VEGFC: variants seen among roughly 807,000 people sequenced by gnomAD.
The protein encoded by VEGFC is FLT4 ligand DHM.
VEGFC carries 12 observed loss-of-function variants against 46.1 expected under a neutral mutation model. The observed-to-expected ratio is 0.26, with a 90% confidence interval of 0.17 to 0.42. VEGFC has a LOEUF of 0.42. Among genes scored for constraint, VEGFC ranks in the 10% least tolerant of loss-of-function variants. The probability of loss-of-function intolerance (pLI) is 1.00; values close to 1 mark genes in which losing one functional copy is unlikely to be tolerated. For missense variants in VEGFC, 488 were observed against 529.4 expected (o/e 0.92, Z 0.77); for synonymous variants, 232 against 195.5 (o/e 1.19, Z -1.56).
chr4:176,789,426 CAAAATG>C (rs2110959238), intron 1 of VEGFC, among the ~76,000 whole-genome samples: 1 of 152,268 alleles, frequency 6.6e-6, no homozygotes, highest in South Asian at 2.1e-4. Context: ...GAGTGGAAAT[CAAAATG>C]AAAGATGAAT....
At chr4:176,769,117 G>A (rs1293710731) in intron 1 of VEGFC, among the ~76,000 whole-genome samples, 1 of 152,112 alleles carries the variant, frequency 6.6e-6, no homozygotes, top group South Asian at 2.1e-4. Context: ...CACCATGTGA[G>A]GGGGACGTGC....
intron 1 of VEGFC, 88 bp from the exon 2 acceptor site, chr4:176,729,834 T>C: frequency 1.1e-6 from 1 of 919,708 alleles, no homozygotes; most frequent in Admixed American, 3.4e-5. Flanking sequence ...TTTAATAGTA[T>C]CTATGCTCCG....
intron 4 of VEGFC, among the ~76,000 whole-genome samples, chr4:176,697,959 G>C (rs1449858517): frequency 6.6e-6 from 1 of 151,540 alleles, no homozygotes; most frequent in Non-Finnish European, 1.5e-5. Flanking sequence ...CACAGGAAGG[G>C]GAACATCACA....
chr4:176,693,507 T>G (rs1579088660), intron 4 of VEGFC, among the ~76,000 whole-genome samples: 1 of 142,078 alleles, frequency 7.0e-6, no homozygotes, highest in East Asian at 2.0e-4. Context: ...CTGATTGGTG[T>G]ACCTGAAAGT....
chr4:176,790,917 A>T (rs1176580056), intron 1 of VEGFC, among the ~76,000 whole-genome samples: 2 of 152,152 alleles, frequency 1.3e-5, no homozygotes, highest in East Asian at 3.8e-4. Context: ...AGTCTGTTCT[A>T]TTTCATGTAT....
At chr4:176,751,324 T>C (rs952256755) in intron 1 of VEGFC, among the ~76,000 whole-genome samples, 3 of 151,960 alleles carry the variant, frequency 2.0e-5, no homozygotes, top group African/African-American at 4.8e-5. Flanking sequence ...CTTTATAGAA[T>C]GGATGGCAAA....
chr4:176,760,197 T>G (rs1317763163), intron 1 of VEGFC, among the ~76,000 whole-genome samples: 1 of 152,160 alleles, frequency 6.6e-6, no homozygotes, highest in East Asian at 1.9e-4. Context: ...CAAAGAATGG[T>G]AAGTTTTAAT....
At chr4:176,789,635 T>G (rs1401025053) in intron 1 of VEGFC, among the ~76,000 whole-genome samples, 2 of 152,236 alleles carry the variant, frequency 1.3e-5, no homozygotes, top group Admixed American at 1.3e-4. Flanking sequence ...GCCTTACTTT[T>G]TTGACACTGT....
chr4:176,722,987 A>G (rs776806692), intron 3 of VEGFC, among the ~76,000 whole-genome samples: 11 of 152,176 alleles, frequency 7.2e-5, no homozygotes, highest in Non-Finnish European at 1.0e-4. Flanking sequence ...AAAAACTCAA[A>G]TGGTTAATAG....
chr4:176,726,415 A>AT (rs1734873836), intron 3 of VEGFC, among the ~76,000 whole-genome samples: 1 of 16,350 alleles, frequency 6.1e-5, no homozygotes, highest in Admixed American at 1.2e-3. Context: ...ATCACCTTTT[A>AT]ATTTTTTTTA....
At chr4:176,747,157 G>T (rs1010460942) in intron 1 of VEGFC, among the ~76,000 whole-genome samples, 1 of 152,060 alleles carries the variant, frequency 6.6e-6, no homozygotes, top group Non-Finnish European at 1.5e-5. Context: ...TAACAGTGTA[G>T]TTATATAAGC....
At position 176,792,257 on chromosome 4, in the gene VEGFC, G is replaced by A. The variant is rs757589365; in HGVS notation, c.55C>T (p.Leu19Phe). The A allele has an allele frequency of 6.4e-7, 1 of 1,557,530 alleles. No individual in the cohort carries two copies. Among genetic ancestry groups the A allele is most frequent in the South Asian group, 1.2e-5 (1 of 86,300 alleles). ...VACSLLAAAL[L>F]PGPREAPAAA... ...GCGGGCGCCTCGCGAGGACCCGGGA[G>A]CAGCGCAGCGGCGAGCAGAGAACAC... The change falls in exon 1 of 7, where the codon CTC (leucine) becomes TTC (phenylalanine). Residue 19 changes from leucine (L) to phenylalanine (F), a missense_variant. Transcript: ENST00000618562. This position sits in a 1 kb window ranked among gnomAD's most constrained non-coding sequence, Gnocchi z 6.3.
intron 1 of VEGFC, among the ~76,000 whole-genome samples, chr4:176,766,913 C>A (rs997024209): frequency 6.7e-6 from 1 of 149,504 alleles, no homozygotes; most frequent in African/African-American, 2.5e-5. Flanking sequence ...ATTGGATAGA[C>A]AAATGTTTCT....
intron 1 of VEGFC, among the ~76,000 whole-genome samples, chr4:176,788,854 T>G (rs1003069323): frequency 2.6e-5 from 4 of 152,220 alleles, no homozygotes; most frequent in African/African-American, 9.6e-5. Flanking sequence ...TCTATTCTTT[T>G]TCCTGGTTAA....
At chr4:176,728,611 A>G (rs1734911509) in intron 2 of VEGFC, among the ~76,000 whole-genome samples, 1 of 152,150 alleles carries the variant, frequency 6.6e-6, no homozygotes, top group Non-Finnish European at 1.5e-5. Context: ...GTTTCTGATG[A>G]GTTAGTAGCT....
chr4:176,751,301 AAC>A (rs1735338628), intron 1 of VEGFC, among the ~76,000 whole-genome samples: 2 of 151,982 alleles, frequency 1.3e-5, no homozygotes, highest in Admixed American at 1.3e-4. Context: ...TTAGAATTGA[AAC>A]GCGAATAGCT....
At chr4:176,783,001 C>T (rs77425506) in intron 1 of VEGFC, among the ~76,000 whole-genome samples, 1,698 of 152,306 alleles carry the variant, frequency 0.011, 25 homozygotes, top group Middle Eastern at 0.099. Flanking sequence ...TGTCTGCTCA[C>T]GGGCCTCCAA....
intron 1 of VEGFC, among the ~76,000 whole-genome samples, chr4:176,733,080 C>T (rs1364781917): frequency 6.6e-6 from 1 of 151,866 alleles, no homozygotes; most frequent in African/African-American, 2.4e-5. Flanking sequence ...CCACTCCACA[C>T]CCATTAGAGT....
chr4:176,751,202 G>A (rs1000808089), intron 1 of VEGFC, among the ~76,000 whole-genome samples: 4 of 151,726 alleles, frequency 2.6e-5, no homozygotes, highest in African/African-American at 4.8e-5. Flanking sequence ...GAAATAGAGA[G>A]AGCCAAAAAA....
Sources: allele counts gnomAD v4.1 joint callset (sites outside exome capture counted in the v4.1 genomes callset), GRCh38; gene constraint gnomAD v4.1.1; non-coding constraint Gnocchi (gnomAD v3.1); transcripts MANE v1.5; gene names NCBI Gene and HGNC (gene_info 2026-07-23, HGNC 2026-07-21).